Variants in H2BW2 observed in about 807,000 individuals in gnomAD.
H2BW2 encodes histone H2B type F-M.
A neutral mutation model predicts 9.2 loss-of-function variants in H2BW2; 8 were observed. The ratio of observed to expected loss-of-function variants is 0.87; its 90% CI spans 0.51 to 1.57. H2BW2 has a LOEUF of 1.57. H2BW2 is among the 40% of genes most tolerant of loss of function. The pLI, the probability that H2BW2 is intolerant of heterozygous loss-of-function variation, is 0.00. For synonymous variants in H2BW2, 80 were observed against 56.8 expected (o/e 1.41, Z -1.84); for missense variants, 193 against 137.3 (o/e 1.41, Z -2.03).
At chrX:104,040,498 C>A in intron 1 of H2BW2, 94 bp downstream of exon 1, 3 of 855,100 alleles carry the variant, frequency 3.5e-6, no homozygotes, top group Non-Finnish European at 1.6e-6. Flanking sequence ...GCCCTATAGG[C>A]CAGTGGCCCG....
intron 3 of H2BW2, 70 bp downstream of exon 3, chrX:104,041,176 A>G: frequency 3.4e-6 from 1 of 293,790 alleles, no homozygotes; most frequent in East Asian, 7.0e-5. Context: ...GGTACAGCCA[A>G]TGAGTGACCT....
chrX:104,042,271 AC>A lies in H2BW2; in HGVS notation c.*204del, dbSNP rs1378548110. 1.8e-5 allele frequency: 2 copies of A among 112,242 alleles called. No individual in the cohort carries two copies. Among genetic ancestry groups the A allele is most frequent in the Non-Finnish European group, 3.8e-5 (2 of 53,264 alleles). The allele number at this position is 112,242 out of a possible 1,213,427, so 9.3% of individuals were successfully genotyped here. A position where few individuals can be genotyped will look rare whatever the true frequency, so the allele number is the denominator to read the frequency against. Reference sequence around the variant, plus strand: ...CAAATGTTCCTACAAGTCCGGAACAACCCTTGCCAAACCAAAGACCCTTGCC... The same window carrying A: ...CAAATGTTCCTACAAGTCCGGAACAACCTTGCCAAACCAAAGACCCTTGCC... On this transcript the variant is annotated 3_prime_UTR_variant, in exon 4 of 4. Coordinates refer to ENST00000675318, the MANE Select transcript of H2BW2 (RefSeq NM_001388464.1).
At chrX:104,040,792 C>G in intron 1 of H2BW2, 36 bp from the exon 2 acceptor site, 1 of 640,365 alleles carries the variant, frequency 1.6e-6, no homozygotes, top group Non-Finnish European at 2.6e-6. Context: ...CTTTTTCACT[C>G]TCATTCTCCT....
chrX:104,042,150 T>A lies in H2BW2; in HGVS notation c.*80T>A, dbSNP rs1249333412. The A allele has an allele frequency of 5.3e-5, 6 of 112,448 alleles. No individual in the cohort carries two copies. Among genetic ancestry groups the A allele is most frequent in the African/African-American group, 1.9e-4 (6 of 30,935 alleles). The allele number at this position is 112,448 out of a possible 1,213,427, so 9.3% of individuals were successfully genotyped here. A position where few individuals can be genotyped will look rare whatever the true frequency, so the allele number is the denominator to read the frequency against. On this transcript the variant is annotated 3_prime_UTR_variant, in exon 4 of 4. Coordinates refer to ENST00000675318, the MANE Select transcript of H2BW2 (RefSeq NM_001388464.1). Reference sequence around the variant, plus strand: ...TATTACAGAAATAGCTGAAGAGAAATGTTATGAAAATAGTTGAAGTTGTGC... The same window carrying A: ...TATTACAGAAATAGCTGAAGAGAAAAGTTATGAAAATAGTTGAAGTTGTGC...
rs1329765070 is a variant in H2BW2, at chrX:104,042,184, C to T, written c.*114C>T. The T allele has an allele frequency of 8.9e-6, 1 of 112,415 alleles. No individual in the cohort carries two copies. The highest frequency in any genetic ancestry group is 3.2e-5 in the African/African-American group (1 of 30,873). The allele number at this position is 112,415 out of a possible 1,213,427, so 9.3% of individuals were successfully genotyped here. ...AATAGTTGAAGTTGTGCTTATTGCA[C>T]GAGGAGACCAAGAAAAACCCCACAA... On this transcript the variant is annotated 3_prime_UTR_variant, in exon 4 of 4. Transcript: ENST00000675318.
chrX:104,041,162 C>G (rs2075202654), intron 3 of H2BW2, 56 bp downstream of exon 3: 2 of 327,347 alleles, frequency 6.1e-6, no homozygotes, highest in Admixed American at 4.4e-5. Context: ...CCCTAGTGTA[C>G]AGTGGTACAG....
rs1556343558 is a variant in H2BW2 at position 104,040,023 on chromosome X, C to A, written c.29C>A (p.Ser10Ter). 3.4e-6 allele frequency: 4 copies of A among 1,165,204 alleles called. No individual in the cohort carries two copies. The highest frequency in any genetic ancestry group is 4.6e-6 in the Non-Finnish European group (4 of 871,904). The change falls in exon 1 of 4, where the codon TCG becomes TAG. Residue 10 changes from serine (S) to a stop codon, truncating the protein, a stop_gained. Transcript: ENST00000675318. LOFTEE classifies it high-confidence loss of function. MAEASSETT[S>*]EEGQSIQEPK... Reference sequence around the variant, plus strand: ...GCTGAGGCTTCCTCTGAGACAACCTCGGAGGAAGGCCAGAGCATCCAGGAG... The same window carrying A: ...GCTGAGGCTTCCTCTGAGACAACCTAGGAGGAAGGCCAGAGCATCCAGGAG...
chrX:104,040,455 A>G, intron 1 of H2BW2, 51 bp downstream of exon 1: 2 of 1,038,938 alleles, frequency 1.9e-6, no homozygotes, highest in Non-Finnish European at 2.6e-6. Flanking sequence ...CACCTGGGAA[A>G]CCCAAAGGCT....
In H2BW2 at chrX:104,040,057, G is replaced by A; in HGVS notation, c.63G>A (p.Glu21=). The A allele has an allele frequency of 8.6e-7, 1 of 1,167,128 alleles. No homozygotes were observed. Among genetic ancestry groups the A allele is most frequent in the South Asian group, 1.9e-5 (1 of 52,005 alleles). ...EEGQSIQEPK[E]ANSTKAQKQK... Reference sequence around the variant, plus strand: ...GCCAGAGCATCCAGGAGCCCAAAGAGGCCAACTCCACGAAGGCCCAGAAGC... The same window carrying A: ...GCCAGAGCATCCAGGAGCCCAAAGAAGCCAACTCCACGAAGGCCCAGAAGC... The change falls in exon 1 of 4, where the codon GAG becomes GAA. Residue 21 remains glutamate, a synonymous_variant. Transcript: ENST00000675318.
At chrX:104,040,484 C>A in intron 1 of H2BW2, 80 bp downstream of exon 1, 1 of 951,627 alleles carries the variant, frequency 1.1e-6, no homozygotes. Context: ...AACCACCGCC[C>A]GTGGCCCTAT....
chrX:104,040,695 G>A (rs2187725), intron 1 of H2BW2, 133 bp from the exon 2 acceptor site: 191,598 of 510,478 alleles, frequency 0.38, 24,913 homozygotes, highest in Admixed American at 0.62. Flanking sequence ...ATCGTGTTTC[G>A]TGTCCTCAGT....
Position 104,040,386 on chromosome X carries a change from G to A in H2BW2, c.392G>A (p.Gly131Asp). The change falls in exon 1 of 4, where the codon GGC becomes GAC. Residue 131 changes from glycine (G) to aspartate (D), a missense_variant. Coordinates refer to ENST00000675318, the MANE Select transcript of H2BW2 (RefSeq NM_001388464.1). ...GKMGKLAEAQ[G>D]TNAALRTSLC... ...ATGGGCAAGCTCGCCGAGGCCCAGG[G>A]CACGAATGCCGCCCTCAGGTACACC... 8.6e-7 allele frequency: 1 copy of A among 1,158,561 alleles called. No individual in the cohort carries two copies.
chrX:104,040,418 A>G lies in H2BW2; in HGVS notation c.410+14A>G. On this transcript the variant is annotated intron_variant, in intron 1 of 3. Transcript: ENST00000675318. ...TGCCGCCCTCAGGTACACCAAAAGC[A>G]AGTGAGCTGTCTCAGGAGCGCCTGA... is the stretch of plus-strand genomic sequence containing the variant. The G allele has an allele frequency of 8.9e-7, 1 of 1,125,459 alleles. No homozygotes were observed. Among genetic ancestry groups the G allele is most frequent in the African/African-American group, 1.8e-5 (1 of 54,780 alleles). The allele number at this position is 1,125,459 out of a possible 1,213,427, so 92.8% of individuals were successfully genotyped here.
intron 2 of H2BW2, 66 bp downstream of exon 2, chrX:104,040,952 C>A (rs1296364169): frequency 6.3e-6 from 7 of 1,107,262 alleles, no homozygotes; most frequent in East Asian, 3.1e-5. Context: ...CAAACGAGGC[C>A]CAGTTACAGT....
In H2BW2 at chrX:104,040,483, C is replaced by A. The variant is rs2075199718; in HGVS notation, c.410+79C>A. ...CAAAGGCTCTATTCAGAACCACCGC[C>A]CGTGGCCCTATAGGCCAGTGGCCCG... On this transcript the variant is annotated intron_variant, in intron 1 of 3. Coordinates refer to ENST00000675318, the MANE Select transcript of H2BW2 (RefSeq NM_001388464.1). 9.4e-6 allele frequency: 9 copies of A among 958,903 alleles called. No homozygotes were observed. In the South Asian group the frequency reaches 1.8e-4, roughly 19 times the overall value. The allele number at this position is 958,903 out of a possible 1,213,427, so 79.0% of individuals were successfully genotyped here.
At chrX:104,041,659 G>A (rs1556344522) in intron 3 of H2BW2, 1 of 111,505 alleles carries the variant, frequency 9.0e-6, no homozygotes, top group African/African-American at 3.3e-5. Flanking sequence ...AACATACTCT[G>A]GGACTGCAAC....
intron 1 of H2BW2, 122 bp downstream of exon 1, chrX:104,040,526 C>A: frequency 1.5e-6 from 1 of 689,491 alleles, no homozygotes; most frequent in Non-Finnish European, 2.1e-6. Context: ...GGGGACCCCA[C>A]CGGAGGTTGG....
Position 104,040,833 on chromosome X carries a change from C to T in H2BW2, c.416C>T (p.Ser139Leu), listed in dbSNP as rs1556344194. The T allele has an allele frequency of 3.0e-5, 27 of 910,034 alleles. No homozygotes were observed. The highest frequency in any genetic ancestry group is 3.9e-5 in the Non-Finnish European group (24 of 623,225). The allele number at this position is 910,034 out of a possible 1,213,427, so 75.0% of individuals were successfully genotyped here. A position where few individuals can be genotyped will look rare whatever the true frequency, so the allele number is the denominator to read the frequency against. ...AQGTNAALRT[S>L]LCAIWQQRK The stretch of plus-strand genomic sequence containing the variant: ...TGGATGGTGGGATTTTCCAGAACTT[C>T]ATTATGTGCGATATGGCAACAGAGA... Residue 139 changes from serine to leucine, a missense_variant, in exon 2 of 4, where the codon TCA becomes TTA. Physicochemically the swap from Ser to Leu is moderately radical, Grantham distance 145. Transcript: ENST00000675318.
intron 1 of H2BW2, among the ~76,000 whole-genome samples, 192 bp downstream of exon 1, chrX:104,040,596 A>G (rs1348923403): frequency 8.9e-6 from 1 of 112,388 alleles, no homozygotes; most frequent in Admixed American, 9.3e-5. Context: ...GCGGTTTTTC[A>G]AGCATTTTTC....
Sources: gnomAD v4.1 joint callset for allele counts (sites outside exome capture counted in the v4.1 genomes callset) on GRCh38, gnomAD v4.1.1 for gene constraint, MANE v1.5 for transcripts, NCBI Gene and HGNC (gene_info 2026-07-23, HGNC 2026-07-21) for gene names.